Variants in MTA3 observed in about 807,000 individuals in gnomAD.
The protein encoded by MTA3 is metastasis associated 1 family member 3.
A neutral mutation model predicts 83.5 loss-of-function variants in MTA3; 34 were observed. The observed-to-expected ratio is 0.41, with a 90% CI of 0.31 to 0.54. The LOEUF (loss-of-function observed/expected upper bound fraction) is 0.54. Ranked by LOEUF, MTA3 falls within the 20% of genes least tolerant of loss-of-function variation. MTA3 has a pLI of 0.33. For missense variants in MTA3, 761 were observed against 726.4 expected (o/e 1.05, Z -0.55); for synonymous variants, 303 against 252.7 (o/e 1.20, Z -1.89).
intron 3 of MTA3, among the ~76,000 whole-genome samples, chr2:42,597,310 C>A (rs2103975620): frequency 6.6e-6 from 1 of 151,336 alleles, no homozygotes; most frequent in South Asian, 2.1e-4. Flanking sequence ...TGTGATCCTA[C>A]TGCCTAATCC....
At chr2:42,580,511 A>C (rs1221473443) in intron 3 of MTA3, among the ~76,000 whole-genome samples, 1 of 151,940 alleles carries the variant, frequency 6.6e-6, no homozygotes, top group Non-Finnish European at 1.5e-5. Context: ...AGCTGGGATT[A>C]CAGGTGGGTG....
chr2:42,573,932 C>T (rs1678760209), intron 2 of MTA3, among the ~76,000 whole-genome samples: 1 of 152,132 alleles, frequency 6.6e-6, no homozygotes, highest in Non-Finnish European at 1.5e-5. Context: ...CATTCTCCTG[C>T]CTCAGCCTCC....
chr2:42,570,586 G>A, intron 2 of MTA3, 82 bp downstream of exon 2: 1 of 777,362 alleles, frequency 1.3e-6, no homozygotes, highest in Non-Finnish European at 1.9e-6. Flanking sequence ...GTGGCCTGGT[G>A]TGGGGGCTCA....
intron 14 of MTA3, among the ~76,000 whole-genome samples, chr2:42,713,215 C>T (rs1426299293): frequency 6.6e-6 from 1 of 152,114 alleles, no homozygotes; most frequent in African/African-American, 2.4e-5. Context: ...ACAGTATTCC[C>T]CTGTATGAGG....
At chr2:42,545,397 GA>G (rs1572957442) in intron 2 of MTA3, among the ~76,000 whole-genome samples, 1 of 150,150 alleles carries the variant, frequency 6.7e-6, no homozygotes, top group African/African-American at 2.4e-5. Context: ...ATTAGAAGAA[GA>G]AAAAAAAAGG....
chr2:42,650,695 C>T lies in MTA3; in HGVS notation c.500-5505C>T, dbSNP rs185950591. On this transcript the variant is annotated intron_variant, in intron 6 of 16. Coordinates refer to ENST00000405094, the MANE Select transcript of MTA3 (RefSeq NM_001330442.2). ...CTGCCCGCCTCAGCCTCCCAAAGTG[C>T]TGGGATTACAGGCATGAGCCACCGC... Among the ~76,000 whole-genome samples the T allele has an allele frequency of 2.7e-3, 409 of 152,242 alleles. 2 individuals carry two copies. The highest frequency in any genetic ancestry group is 8.5e-3 in the African/African-American group (354 of 41,542).
intron 3 of MTA3, among the ~76,000 whole-genome samples, chr2:42,586,260 G>T (rs1680263655): frequency 6.7e-6 from 1 of 148,738 alleles, no homozygotes; most frequent in Non-Finnish European, 1.5e-5. Context: ...GACAACAGGA[G>T]TGAAACTCCA....
At chr2:42,725,531 C>G (rs992270660) in intron 16 of MTA3, among the ~76,000 whole-genome samples, 2 of 152,144 alleles carry the variant, frequency 1.3e-5, no homozygotes, top group African/African-American at 4.8e-5. Flanking sequence ...GAACATGGGG[C>G]AGGGGCACAG....
chr2:42,667,611 TA>T (rs1558562386), intron 8 of MTA3, among the ~76,000 whole-genome samples: 13,609 of 118,922 alleles, frequency 0.11, 912 homozygotes, highest in South Asian at 0.18. Flanking sequence ...TGTGTGTGTA[TA>T]GAGAGAGAAA....
At chr2:42,701,144 A>G (rs1169374922) in intron 11 of MTA3, among the ~76,000 whole-genome samples, 1 of 151,906 alleles carries the variant, frequency 6.6e-6, no homozygotes. Flanking sequence ...TTTTATAATT[A>G]TCTATTTTAT....
intron 3 of MTA3, among the ~76,000 whole-genome samples, chr2:42,605,926 C>A (rs1683280453): frequency 1.5e-5 from 1 of 64,748 alleles, no homozygotes; most frequent in Non-Finnish European, 3.0e-5. Context: ...CGGGCAGAGG[C>A]GCCCCTCACC....
intron 2 of MTA3, among the ~76,000 whole-genome samples, chr2:42,505,894 G>A (rs917911775): frequency 5.3e-5 from 8 of 150,858 alleles, no homozygotes; most frequent in Non-Finnish European, 1.2e-4. Flanking sequence ...TCAGCCTCCC[G>A]AGTAGCTGGG....
At chr2:42,530,936 T>A (rs1675936122) in intron 2 of MTA3, among the ~76,000 whole-genome samples, 1 of 151,958 alleles carries the variant, frequency 6.6e-6, no homozygotes, top group Admixed American at 6.6e-5. Flanking sequence ...TTTAAGCAAT[T>A]CTCCTGCCTC....
At chr2:42,520,780 G>T (rs534295648) in intron 2 of MTA3, among the ~76,000 whole-genome samples, 2 of 152,030 alleles carry the variant, frequency 1.3e-5, no homozygotes, top group African/African-American at 4.8e-5. Flanking sequence ...TGCCCGGGCT[G>T]GTCTCGAACT....
chr2:42,705,532 C>T (rs183823326), intron 12 of MTA3, among the ~76,000 whole-genome samples: 4 of 152,206 alleles, frequency 2.6e-5, no homozygotes, highest in South Asian at 2.1e-4. Flanking sequence ...TGGTGAAACC[C>T]CGTCTCTACT....
chr2:42,682,795 G>A (rs1048097826), intron 9 of MTA3: 3 of 512,748 alleles, frequency 5.9e-6, no homozygotes, highest in South Asian at 2.6e-5. Context: ...CTATCAGGCC[G>A]GGTACGGTGG....
At chr2:42,677,605 A>G (rs1326147832) in intron 8 of MTA3, among the ~76,000 whole-genome samples, 1 of 152,024 alleles carries the variant, frequency 6.6e-6, no homozygotes, top group East Asian at 1.9e-4. Context: ...CAGCCTCCCA[A>G]AGTACTGAGA....
chr2:42,659,644 G>T, intron 7 of MTA3, 119 bp from the exon 8 acceptor site: 1 of 606,058 alleles, frequency 1.7e-6, no homozygotes, highest in Admixed American at 4.5e-5. Flanking sequence ...TCAGAAACTT[G>T]TTTTTGCCTC....
At chr2:42,711,362 A>G (rs555231356) in intron 14 of MTA3, among the ~76,000 whole-genome samples, 4 of 152,134 alleles carry the variant, frequency 2.6e-5, no homozygotes, top group African/African-American at 9.7e-5. Context: ...CCATGCTGCT[A>G]AAAGGGATCA....
Sources: gnomAD v4.1 joint callset for allele counts (sites outside exome capture counted in the v4.1 genomes callset) on GRCh38, gnomAD v4.1.1 for gene constraint, MANE v1.5 for transcripts, NCBI Gene and HGNC (gene_info 2026-07-23, HGNC 2026-07-21) for gene names.